The following LTBP1 variants were observed in gnomAD, a reference collection of about 807,000 sequenced individuals.
The protein encoded by LTBP1 is latent-transforming growth factor beta-binding protein 1.
Under a neutral mutation model 207.6 loss-of-function variants are expected in LTBP1, and 129 were observed. The observed-to-expected ratio is 0.62, with a 90% confidence interval of 0.54 to 0.72. The LOEUF is 0.72. Ranked by LOEUF, LTBP1 falls within the 30% of genes least tolerant of loss-of-function variation. The pLI, the probability that LTBP1 is intolerant of heterozygous loss-of-function variation, is 0.00. For missense variants in LTBP1, 2,281 were observed against 2,217.2 expected, an observed-to-expected ratio of 1.03 and a Z score of -0.58; for synonymous variants, 963 against 833.7, an observed-to-expected ratio of 1.16 and a Z score of -2.67.
intron 15 of LTBP1, among the ~76,000 whole-genome samples, chr2:33,265,473 A>T (rs1374853895): frequency 6.6e-6 from 1 of 152,224 alleles, no homozygotes; most frequent in Non-Finnish European, 1.5e-5. Flanking sequence ...AGGGAAATAG[A>T]TAATTATGTT....
At chr2:33,299,027 G>A (rs2093933985) in intron 20 of LTBP1, among the ~76,000 whole-genome samples, 1 of 152,148 alleles carries the variant, frequency 6.6e-6, no homozygotes, top group Admixed American at 6.5e-5. Flanking sequence ...TGTAATCCTA[G>A]CACTTTGGGA....
intron 2 of LTBP1, among the ~76,000 whole-genome samples, chr2:32,949,896 T>C (rs1676840898): frequency 6.6e-6 from 1 of 152,218 alleles, no homozygotes. Context: ...TTTGGCATAA[T>C]GGCCTTACTT....
intron 5 of LTBP1, among the ~76,000 whole-genome samples, chr2:33,167,007 C>A (rs1409483942): frequency 6.6e-6 from 1 of 152,240 alleles, no homozygotes; most frequent in Non-Finnish European, 1.5e-5. Flanking sequence ...GCCGAATACT[C>A]CTGGCTGATA....
chr2:32,950,171 A>G (rs1180423154), intron 2 of LTBP1, among the ~76,000 whole-genome samples: 2 of 152,218 alleles, frequency 1.3e-5, no homozygotes, highest in Admixed American at 6.5e-5. Context: ...ATTCTGTCCA[A>G]AACCTGCTAT....
chr2:33,332,392 A>G (rs1037641869), intron 24 of LTBP1, among the ~76,000 whole-genome samples: 6 of 147,904 alleles, frequency 4.1e-5, no homozygotes, highest in Non-Finnish European at 8.9e-5. Flanking sequence ...AAAAAAAAAA[A>G]AAAAAAGAGA....
At chr2:32,984,756 A>G (rs1449991218) in intron 2 of LTBP1, among the ~76,000 whole-genome samples, 2 of 128,640 alleles carry the variant, frequency 1.6e-5, no homozygotes, top group Admixed American at 7.9e-5. Flanking sequence ...CCCCATCTCT[A>G]CTAAAAATAC....
intron 2 of LTBP1, among the ~76,000 whole-genome samples, chr2:33,013,819 C>T (rs1687991482): frequency 6.6e-6 from 1 of 152,176 alleles, no homozygotes; most frequent in Non-Finnish European, 1.5e-5. Context: ...AAACTTCAAG[C>T]TTCCAGAACA....
intron 5 of LTBP1, among the ~76,000 whole-genome samples, chr2:33,151,577 T>G (rs561880831): frequency 2.0e-5 from 3 of 152,144 alleles, no homozygotes; most frequent in Admixed American, 6.5e-5. Context: ...AGCAGCATAT[T>G]CTGTACCCTA....
At position 33,030,185 on chromosome 2, in the gene LTBP1, C is replaced by T. The variant is rs61171789; in HGVS notation, c.863+8979C>T. Reference sequence around the variant, plus strand: ...TTAATTTGTTCAAAGCCTCTTTATGCAGCAGCTAATCCTTCCTAATTATAT... The same window carrying T: ...TTAATTTGTTCAAAGCCTCTTTATGTAGCAGCTAATCCTTCCTAATTATAT... On this transcript the variant is annotated intron_variant, in intron 3 of 33. Coordinates refer to ENST00000404816, the MANE Select transcript of LTBP1 (RefSeq NM_206943.4). Among the ~76,000 whole-genome samples, 1,218 of 152,290 alleles carry T rather than the reference C, an allele frequency of 8.0e-3. 10 individuals are homozygous for T. The highest frequency in any genetic ancestry group is 0.026 in the African/African-American group (1,084 of 41,548).
intron 3 of LTBP1, among the ~76,000 whole-genome samples, chr2:33,076,294 A>T (rs912578542): frequency 6.6e-6 from 1 of 152,130 alleles, no homozygotes; most frequent in Non-Finnish European, 1.5e-5. Flanking sequence ...TGTACTTGTG[A>T]GACTTTAGTT....
At position 33,252,804 on chromosome 2, in the gene LTBP1, C is replaced by T. The variant is rs2092720553; in HGVS notation, c.2127C>T (p.Ala709=). Residue 709 remains alanine (A), a synonymous_variant, in exon 11 of 34, where the codon GCC becomes GCT. Coordinates refer to ENST00000404816, the MANE Select transcript of LTBP1 (RefSeq NM_206943.4). The part of the protein sequence containing the change: ...KQLCCCSVGK[A]WGPHCEKCPL... The stretch of plus-strand genomic sequence containing the variant: ...TCTGCTGTTGTAGTGTGGGCAAGGC[C>T]TGGGGCCCACACTGTGAGAAATGTC... 1.2e-6 allele frequency: 2 copies of T among 1,612,962 alleles called. No individual in the cohort carries two copies. Among genetic ancestry groups the T allele is most frequent in the Admixed American group, 1.7e-5 (1 of 59,994 alleles).
chr2:33,096,243 A>G (rs2079383774), intron 3 of LTBP1, among the ~76,000 whole-genome samples: 1 of 152,202 alleles, frequency 6.6e-6, no homozygotes, highest in South Asian at 2.1e-4. Flanking sequence ...GTGCTAGAAA[A>G]TAAACTATCT....
At chr2:33,226,243 C>A (rs1403661165) in intron 9 of LTBP1, among the ~76,000 whole-genome samples, 1 of 152,120 alleles carries the variant, frequency 6.6e-6, no homozygotes, top group Admixed American at 6.5e-5. Flanking sequence ...TTTACCTTTA[C>A]AATGGGTGTC....
At chr2:33,267,249 T>C (rs2093206753) in intron 15 of LTBP1, among the ~76,000 whole-genome samples, 1 of 152,178 alleles carries the variant, frequency 6.6e-6, no homozygotes, top group African/African-American at 2.4e-5. Flanking sequence ...CCCTCACTGC[T>C]CCACACCTGG....
In LTBP1 at chr2:33,182,701, C is replaced by CATATATATATATAT. The variant is rs1558769812; in HGVS notation, c.1202-4154_1202-4153insTATATATATATATA. On this transcript the variant is annotated intron_variant, in intron 5 of 33. Transcript: ENST00000404816. The stretch of plus-strand genomic sequence containing the variant: ...GAAAAGATGGTGATATATATATATA[C>CATATATATATATAT]ACACACACACACACACACACACACA... 5.2e-4 allele frequency among the ~76,000 whole-genome samples: 22 copies of CATATATATATATAT among 42,646 alleles called. 1 individual carries two copies. Among genetic ancestry groups the CATATATATATATAT allele is most frequent in the African/African-American group, 1.6e-3 (17 of 10,694 alleles). 28.0% of individuals were successfully genotyped at this position (42,646 alleles called of 152,430 possible). A position where few individuals can be genotyped will look rare whatever the true frequency, so the allele number is the denominator to read the frequency against.
At chr2:33,105,903 C>T (rs1000242242) in intron 3 of LTBP1, among the ~76,000 whole-genome samples, 5 of 152,174 alleles carry the variant, frequency 3.3e-5, no homozygotes, top group Non-Finnish European at 5.9e-5. Context: ...GCATGCAGTG[C>T]TGTTTGATAG....
chr2:32,951,461 C>A (rs1677091510), intron 2 of LTBP1, among the ~76,000 whole-genome samples: 1 of 152,166 alleles, frequency 6.6e-6, no homozygotes, highest in Non-Finnish European at 1.5e-5. Context: ...GCTGAGAGAG[C>A]CTTCTACCTT....
At chr2:32,966,030 ATAGT>A (rs1444957624) in intron 2 of LTBP1, among the ~76,000 whole-genome samples, 3 of 152,138 alleles carry the variant, frequency 2.0e-5, no homozygotes, top group Non-Finnish European at 4.4e-5. Context: ...GGCCATTCTA[ATAGT>A]TATGTAGTGG....
intron 26 of LTBP1, among the ~76,000 whole-genome samples, chr2:33,351,292 T>G (rs1200737888): frequency 1.3e-5 from 2 of 152,216 alleles, no homozygotes; most frequent in African/African-American, 2.4e-5. Flanking sequence ...ATCTGAAATG[T>G]CATTCTTAAG....
Sources: gnomAD v4.1 joint callset for allele counts (sites outside exome capture counted in the v4.1 genomes callset) on GRCh38, gnomAD v4.1.1 for gene constraint, MANE v1.5 for transcripts, NCBI Gene and HGNC (gene_info 2026-07-23, HGNC 2026-07-21) for gene names.